CCSER1: variants seen among roughly 807,000 people sequenced by gnomAD.
CCSER1 encodes the protein serine-rich coiled-coil domain-containing protein 1.
CCSER1 carries 41 observed loss-of-function variants against 82.0 expected under a neutral mutation model. The observed-to-expected ratio is 0.50, with a 90% confidence interval of 0.39 to 0.65. The LOEUF (loss-of-function observed/expected upper bound fraction) is 0.65, where lower values mean the gene tolerates loss of function less well. Ranked by LOEUF, CCSER1 falls within the 30% of genes least tolerant of loss-of-function variation. The probability of loss-of-function intolerance (pLI) is 0.00; values close to 1 mark genes in which losing one functional copy is unlikely to be tolerated. For missense variants in CCSER1, 1,119 were observed against 1,064.2 expected, an observed-to-expected ratio of 1.05 and a Z score of -0.72; for synonymous variants, 414 against 383.9, an observed-to-expected ratio of 1.08 and a Z score of -0.92.
intron 7 of CCSER1, among the ~76,000 whole-genome samples, chr4:90,803,470 T>C (rs1757090779): frequency 3.3e-5 from 5 of 152,340 alleles, no homozygotes; most frequent in East Asian, 1.9e-4. Context: ...TGTTTGGTTT[T>C]CTGTCCTTGT....
intron 6 of CCSER1, among the ~76,000 whole-genome samples, chr4:90,649,326 A>G (rs1003162719): frequency 6.6e-6 from 1 of 152,222 alleles, no homozygotes; most frequent in Non-Finnish European, 1.5e-5. Flanking sequence ...GAGATTAATT[A>G]CTATTATAAA....
chr4:90,938,386 C>T (rs1731211266), intron 9 of CCSER1, among the ~76,000 whole-genome samples: 1 of 152,000 alleles, frequency 6.6e-6, no homozygotes, highest in South Asian at 2.1e-4. Context: ...TTTTTGTACT[C>T]TAATTATAAA....
chr4:90,713,558 C>G (rs1741043910), intron 6 of CCSER1, among the ~76,000 whole-genome samples: 2 of 151,724 alleles, frequency 1.3e-5, no homozygotes, highest in Non-Finnish European at 2.9e-5. Context: ...TGGCCTTTCT[C>G]TCTGGCTGCC....
Position 90,591,068 on chromosome 4 carries a change from T to C in CCSER1, c.1725-36957T>C, listed in dbSNP as rs146946290. Among the ~76,000 whole-genome samples, 1,030 of 152,290 alleles carry C rather than the reference T, an allele frequency of 6.8e-3. 11 individuals carry two copies. Among genetic ancestry groups the C allele is most frequent in the African/African-American group, 0.023 (949 of 41,556 alleles). ...TTATTCTCTTTGTAGCAATTGTGAA[T>C]GGGAGTTCACTCATGATTTGGCTCT... On this transcript the variant is annotated intron_variant, in intron 5 of 10. Transcript: ENST00000509176.
chr4:91,569,243 T>G (rs916349782), intron 10 of CCSER1, among the ~76,000 whole-genome samples: 2 of 152,156 alleles, frequency 1.3e-5, no homozygotes, highest in Admixed American at 1.3e-4. Context: ...CCATGTTCCT[T>G]CTCATTGCTC....
intron 10 of CCSER1, among the ~76,000 whole-genome samples, chr4:91,347,434 A>C (rs1405172462): frequency 6.6e-6 from 1 of 151,992 alleles, no homozygotes; most frequent in Non-Finnish European, 1.5e-5. Flanking sequence ...TATTGTGTTA[A>C]ATATTATGAG....
At chr4:90,295,739 A>C (rs1731761876) in intron 1 of CCSER1, among the ~76,000 whole-genome samples, 1 of 152,060 alleles carries the variant, frequency 6.6e-6, no homozygotes, top group Non-Finnish European at 1.5e-5. Flanking sequence ...GTCTTAATGT[A>C]TCAATTAGTG....
At position 90,485,039 on chromosome 4, in the gene CCSER1, A is replaced by G. The variant is rs573052335; in HGVS notation, c.1724+16685A>G. Among the ~76,000 whole-genome samples, 10 of 152,284 alleles carry G rather than the reference A, an allele frequency of 6.6e-5. No homozygotes were observed. The South Asian group carries it at 2.1e-3, about 32-fold the overall frequency. ...GGGCTCCATCCAGTTCGAGCTTCCC[A>G]GCCACTTTGTTTACCTGCTCTAGCC... On this transcript the variant is annotated intron_variant, in intron 5 of 10. Coordinates refer to ENST00000509176, the MANE Select transcript of CCSER1 (RefSeq NM_001145065.2).
At chr4:90,936,710 T>A (rs1730978917) in intron 9 of CCSER1, among the ~76,000 whole-genome samples, 1 of 152,160 alleles carries the variant, frequency 6.6e-6, no homozygotes, top group Admixed American at 6.5e-5. Flanking sequence ...ATTCCAGATT[T>A]CTAAAATGTA....
chr4:91,354,989 T>C (rs1748728812), intron 10 of CCSER1, among the ~76,000 whole-genome samples: 1 of 152,184 alleles, frequency 6.6e-6, no homozygotes, highest in South Asian at 2.1e-4. Context: ...CATCAATGCC[T>C]AATGATACAT....
intron 10 of CCSER1, among the ~76,000 whole-genome samples, chr4:91,196,919 G>A (rs1735486441): frequency 6.6e-6 from 1 of 152,210 alleles, no homozygotes; most frequent in African/African-American, 2.4e-5. Flanking sequence ...AGTTATCTGA[G>A]AAGACTTCTT....
chr4:91,416,953 C>T (rs1281606782), intron 10 of CCSER1, among the ~76,000 whole-genome samples: 1 of 152,018 alleles, frequency 6.6e-6, no homozygotes, highest in Non-Finnish European at 1.5e-5. Context: ...GCAATCTGTC[C>T]ATCTGACAAA....
chr4:91,408,093 A>G (rs1025066289), intron 10 of CCSER1, among the ~76,000 whole-genome samples: 2 of 152,158 alleles, frequency 1.3e-5, no homozygotes, highest in African/African-American at 4.8e-5. Context: ...TAGCACAGAG[A>G]TGAATGTCTA....
intron 4 of CCSER1, among the ~76,000 whole-genome samples, chr4:90,462,724 C>T (rs1047065854): frequency 2.0e-5 from 3 of 152,074 alleles, no homozygotes; most frequent in Non-Finnish European, 4.4e-5. Context: ...CCAGCTTGGG[C>T]GAATAATAAA....
At chr4:91,425,962 A>C (rs1412962720) in intron 10 of CCSER1, among the ~76,000 whole-genome samples, 1 of 152,172 alleles carries the variant, frequency 6.6e-6, no homozygotes, top group African/African-American at 2.4e-5. Flanking sequence ...ATAGGTATAC[A>C]CGTGCCATGG....
chr4:90,327,826 C>G (rs982282256), intron 3 of CCSER1, among the ~76,000 whole-genome samples: 6 of 152,136 alleles, frequency 3.9e-5, no homozygotes, highest in African/African-American at 1.4e-4. Context: ...ATAAAAATTG[C>G]CCCCAGTTGA....
intron 7 of CCSER1, among the ~76,000 whole-genome samples, chr4:90,808,234 A>G (rs1757780948): frequency 6.6e-6 from 1 of 152,202 alleles, no homozygotes; most frequent in East Asian, 1.9e-4. Flanking sequence ...ATGTACAAAA[A>G]TTAACGGAAG....
intron 10 of CCSER1, among the ~76,000 whole-genome samples, chr4:91,268,831 A>G (rs965688473): frequency 2.9e-4 from 44 of 152,232 alleles, no homozygotes; most frequent in Non-Finnish European, 4.9e-4. Context: ...TGGGGCAGGA[A>G]CAAATCACAA....
chr4:91,151,700 C>G (rs1023338565), intron 10 of CCSER1, among the ~76,000 whole-genome samples: 1 of 152,138 alleles, frequency 6.6e-6, no homozygotes, highest in African/African-American at 2.4e-5. Context: ...TTTCAAAGAA[C>G]GTCTTTGTTT....
Sources: gnomAD v4.1 joint callset for allele counts (sites outside exome capture counted in the v4.1 genomes callset) on GRCh38, gnomAD v4.1.1 for gene constraint, MANE v1.5 for transcripts, NCBI Gene and HGNC (gene_info 2026-07-23, HGNC 2026-07-21) for gene names.